TBR1: variants seen among roughly 807,000 people sequenced by gnomAD.
TBR1 encodes T-box brain protein 1.
Under a neutral mutation model 60.3 loss-of-function variants are expected in TBR1, and 7 were observed. The ratio of observed to expected loss-of-function variants is 0.12; its 90% CI spans 0.07 to 0.22. The LOEUF (loss-of-function observed/expected upper bound fraction) is 0.22, where lower values mean the gene tolerates loss of function less well. Ranked by LOEUF, TBR1 falls within the 10% of genes least tolerant of loss-of-function variation. The pLI is 1.00. For missense variants in TBR1, 616 were observed against 936.8 expected (o/e 0.66, Z 4.47); for synonymous variants, 417 against 409.9 (o/e 1.02, Z -0.21).
chr2:161,423,648 C>T lies in TBR1; in HGVS notation c.1470C>T (p.Asn490=). The T allele has an allele frequency of 6.5e-7, 1 of 1,542,604 alleles. No individual in the cohort carries two copies. The highest frequency in any genetic ancestry group is 8.7e-7 in the Non-Finnish European group (1 of 1,153,376). Residue 490 remains asparagine (N), a synonymous_variant, in exon 6 of 6, where the codon AAC becomes AAT. Transcript: ENST00000389554. ...AACGCTGGTTTGTGACGCCGGCCAA[C>T]AACCGGCTGGACTTCGCGGCCTCGG... The part of the protein sequence containing the change: ...SPQRWFVTPA[N]NRLDFAASAY...
rs2105283785 is a variant in TBR1 at position 161,425,855 on chromosome 2, C to T, written c.*1628C>T. On this transcript the variant is annotated 3_prime_UTR_variant, in exon 6 of 6. Transcript: ENST00000389554. Reference sequence around the variant, plus strand: ...TCTGTGTATAACAAGTAAAATAAACCTGGTAAAAACGCTAACTATGGTGTT... The same window carrying T: ...TCTGTGTATAACAAGTAAAATAAACTTGGTAAAAACGCTAACTATGGTGTT... 1 of 152,172 alleles carries T rather than the reference C, an allele frequency of 6.6e-6. No homozygotes were observed. Among genetic ancestry groups the T allele is most frequent in the African/African-American group, 2.4e-5 (1 of 41,516 alleles). The allele number at this position is 152,172 out of a possible 1,614,324, so 9.4% of individuals were successfully genotyped here.
intron 5 of TBR1, chr2:161,421,124 A>G (rs1015744141): frequency 6.6e-6 from 1 of 152,250 alleles, no homozygotes; most frequent in Non-Finnish European, 1.5e-5. Context: ...TCATAAATCT[A>G]AATCTGGATT....
chr2:161,418,955 G>A lies in TBR1; in HGVS notation c.1033G>A (p.Asp345Asn). Reference protein sequence around the residue: ...PRLHVVEVNEDGTEDTSQPGR... With the variant: ...PRLHVVEVNENGTEDTSQPGR... Reference sequence around the variant, plus strand: ...CCTGCATGTGGTGGAAGTGAACGAGGACGGCACGGAGGACACTAGCCAGCC... The same window carrying A: ...CCTGCATGTGGTGGAAGTGAACGAGAACGGCACGGAGGACACTAGCCAGCC... The change falls in exon 4 of 6, where the codon GAC becomes AAC. Residue 345 changes from aspartate (D) to asparagine (N), a missense_variant. Asp to Asn is a conservative substitution (Grantham distance 23). Transcript: ENST00000389554. 6.2e-7 allele frequency: 1 copy of A among 1,614,244 alleles called. No homozygotes were observed.
Position 161,416,884 on chromosome 2 carries a change from C to G in TBR1, c.474C>G (p.Asn158Lys). 6.2e-7 allele frequency: 1 copy of G among 1,614,030 alleles called. No homozygotes were observed. The highest frequency in any genetic ancestry group is 1.1e-5 in the South Asian group (1 of 91,050). The stretch of plus-strand genomic sequence containing the variant: ...CGGTCATCACCAACGGAGCCTACAA[C>G]AGCCTCCTGTCCAACTCCTCGCCGC... ...HHPVITNGAY[N>K]SLLSNSSPQG... The change falls in exon 1 of 6, where the codon AAC becomes AAG. Residue 158 changes from asparagine (N) to lysine (K), a missense_variant. Asn to Lys is a moderately conservative substitution (Grantham distance 94, BLOSUM62 0). Around this residue, in one of 8 missense-constraint regions of TBR1, gnomAD observed 211 missense variants for 268.7 expected, o/e 0.79. Transcript: ENST00000389554. This position sits in a 1 kb window ranked among gnomAD's most constrained non-coding sequence, Gnocchi z 6.1.
rs754753825 is a variant in TBR1 at position 161,424,023 on chromosome 2, C to T, written c.1845C>T (p.Ile615=). The change falls in exon 6 of 6, where the codon ATC becomes ATT. Residue 615 remains isoleucine (I), a synonymous_variant. Coordinates refer to ENST00000389554, the MANE Select transcript of TBR1 (RefSeq NM_006593.4). This position sits in a 1 kb window ranked among gnomAD's most constrained non-coding sequence, Gnocchi z 4.4. ...KPKDLSDSSW[I]ETPSSIKSID... ...AGGACCTGTCCGATTCCAGCTGGAT[C>T]GAGACGCCCTCCTCGATCAAGTCCA... The T allele has an allele frequency of 1.9e-6, 3 of 1,588,928 alleles. No individual in the cohort carries two copies. Among genetic ancestry groups the T allele is most frequent in the African/African-American group, 2.7e-5 (2 of 74,292 alleles).
At chr2:161,422,742 T>TG (rs1684253144) in intron 5 of TBR1, 1 of 152,244 alleles carries the variant, frequency 6.6e-6, no homozygotes, top group African/African-American at 2.4e-5. Flanking sequence ...CTAAGTACTT[T>TG]GGAGGCTTCC....
Position 161,416,646 on chromosome 2 carries a change from A to G in TBR1, c.236A>G (p.Gln79Arg), listed in dbSNP as rs977153850. 3 of 1,614,136 alleles carry G rather than the reference A, an allele frequency of 1.9e-6. No individual in the cohort carries two copies. Among genetic ancestry groups the G allele is most frequent in the Non-Finnish European group, 2.5e-6 (3 of 1,180,054 alleles). Residue 79 changes from glutamine (Q) to arginine (R), a missense_variant, in exon 1 of 6, where the codon CAG becomes CGG. Physicochemically the swap from Gln to Arg is conservative, Grantham distance 43. Transcript: ENST00000389554. This position sits in a 1 kb window ranked among gnomAD's most constrained non-coding sequence, Gnocchi z 6.1. ...TCCAAGGACTCACCAGGGGACGTCC[A>G]GAGAAGTAAACTCTCTCCTGTCTTG... is the stretch of plus-strand genomic sequence containing the variant. ...PDSKDSPGDVQRSKLSPVLDG... is the reference protein window; with the variant it reads ...PDSKDSPGDVRRSKLSPVLDG...
In TBR1 at chr2:161,423,605, C is replaced by T. The variant is rs1356178906; in HGVS notation, c.1427C>T (p.Pro476Leu). ...GLLSPQQAED[P>L]GAPSPQRWFV... is the part of the protein sequence containing the mutation. ...CTGTCGCCGCAGCAGGCCGAGGACCCGGGCGCGCCCTCGCCGCAACGCTGG... is the reference window on the plus strand; with the variant it reads ...CTGTCGCCGCAGCAGGCCGAGGACCTGGGCGCGCCCTCGCCGCAACGCTGG... Residue 476 changes from proline to leucine, a missense_variant, in exon 6 of 6, where the codon CCG (proline) becomes CTG (leucine). Physicochemically the swap from Pro to Leu is moderately conservative, Grantham distance 98. Coordinates refer to ENST00000389554, the MANE Select transcript of TBR1 (RefSeq NM_006593.4). 2.0e-6 allele frequency: 3 copies of T among 1,531,774 alleles called. No individual in the cohort carries two copies. The highest frequency in any genetic ancestry group is 1.2e-5 in the South Asian group (1 of 82,216). 94.9% of individuals were successfully genotyped at this position (1,531,774 alleles called of 1,614,324 possible). A position where few individuals can be genotyped will look rare whatever the true frequency, so the allele number is the denominator to read the frequency against.
intron 2 of TBR1, 33 bp from the exon 3 acceptor site, chr2:161,418,168 G>T: frequency 6.3e-7 from 1 of 1,597,434 alleles, no homozygotes; most frequent in Non-Finnish European, 8.5e-7. Context: ...GCAGTGCCAG[G>T]GGCATATGTA....
In TBR1 at chr2:161,417,873, G is replaced by A. The variant is rs368807687; in HGVS notation, c.847+43G>A. 4.4e-6 allele frequency: 7 copies of A among 1,602,548 alleles called. No homozygotes were observed. The African/African-American group carries it at 9.4e-5, about 22-fold the overall frequency. On this transcript the variant is annotated intron_variant, in intron 2 of 5. Transcript: ENST00000389554. This position sits in a 1 kb window ranked among gnomAD's most constrained non-coding sequence, Gnocchi z 5.3. ...ACACATTTTCTTGACACTTATTTAG[G>A]TGAGAATGATTAATTAAAGCCTTTG... is the stretch of plus-strand genomic sequence containing the variant.
At chr2:161,418,503 G>T in intron 3 of TBR1, 181 bp downstream of exon 3, 1 of 976,432 alleles carries the variant, frequency 1.0e-6, no homozygotes, top group East Asian at 2.8e-5. Context: ...GTTCTCATTG[G>T]CAACACCTCC....
chr2:161,424,267 C>G lies in TBR1; in HGVS notation c.*40C>G. ...CCCGGCCCCGCCGCGGCCCGGACCC[C>G]CAGCCAGCCCCTCACAGCTCTTCCC... is the stretch of plus-strand genomic sequence containing the variant. On this transcript the variant is annotated 3_prime_UTR_variant, in exon 6 of 6. Coordinates refer to ENST00000389554, the MANE Select transcript of TBR1 (RefSeq NM_006593.4). The surrounding 1 kb of genome is among the most constrained non-coding windows in gnomAD (Gnocchi z 4.4). 1 of 1,508,558 alleles carries G rather than the reference C, an allele frequency of 6.6e-7. No homozygotes were observed. The highest frequency in any genetic ancestry group is 8.9e-7 in the Non-Finnish European group (1 of 1,121,446). The allele number at this position is 1,508,558 out of a possible 1,614,324, so 93.4% of individuals were successfully genotyped here. A position where few individuals can be genotyped will look rare whatever the true frequency, so the allele number is the denominator to read the frequency against.
rs1026846553 is a variant in TBR1, at chr2:161,419,388, T to A, written c.1128+338T>A. ...CTACTTTAAAAAAAAATTCTCTCTT[T>A]CCTTTAGAAAACAAGCAGATTTCCC... On this transcript the variant is annotated intron_variant, in intron 4 of 5. Transcript: ENST00000389554. The A allele has an allele frequency of 3.7e-5, 7 of 187,918 alleles. No individual in the cohort carries two copies. The Admixed American group carries it at 3.8e-4, about 10-fold the overall frequency. 11.6% of individuals were successfully genotyped at this position (187,918 alleles called of 1,614,324 possible). A position where few individuals can be genotyped will look rare whatever the true frequency, so the allele number is the denominator to read the frequency against.
In TBR1 at chr2:161,423,888, G is replaced by T; in HGVS notation, c.1710G>T (p.Ala570=). The change falls in exon 6 of 6, where the codon GCG becomes GCT. Residue 570 remains alanine (A), a synonymous_variant. Coordinates refer to ENST00000389554, the MANE Select transcript of TBR1 (RefSeq NM_006593.4). ...SVLPCWPNSA[A]AAARMAGANP... ...TGCCCTGCTGGCCCAACAGCGCCGC[G>T]GCCGCCGCGCGCATGGCCGGCGCCA... 1.5e-6 allele frequency: 2 copies of T among 1,371,612 alleles called. No individual in the cohort carries two copies. The highest frequency in any genetic ancestry group is 3.7e-5 in the Admixed American group (1 of 26,820). 85.0% of individuals were successfully genotyped at this position (1,371,612 alleles called of 1,614,324 possible). A position where few individuals can be genotyped will look rare whatever the true frequency, so the allele number is the denominator to read the frequency against.
In TBR1 at chr2:161,424,110, C is replaced by A. The variant is rs201381014; in HGVS notation, c.1932C>A (p.Asp644Glu). 1.0e-4 allele frequency: 165 copies of A among 1,612,188 alleles called. No individual in the cohort carries two copies. The highest frequency in any genetic ancestry group is 1.2e-4 in the Non-Finnish European group (145 of 1,179,502). The stretch of plus-strand genomic sequence containing the variant: ...AGCGGAGGCGGATCTCGCCGGCCGA[C>A]ACGCCCGTGTCCGAGAGTTCGTCCC... ...QAKRRRISPADTPVSESSSPL... is the reference protein window; with the variant it reads ...QAKRRRISPAETPVSESSSPL... The change falls in exon 6 of 6, where the codon GAC becomes GAA. Residue 644 changes from aspartate to glutamate, a missense_variant. This residue lies in a region of TBR1 where 210 missense variants were observed against 297.4 expected (regional missense o/e 0.71). Transcript: ENST00000389554. This position sits in a 1 kb window ranked among gnomAD's most constrained non-coding sequence, Gnocchi z 4.4.
At chr2:161,420,081 C>A in intron 4 of TBR1, 115 bp from the exon 5 acceptor site, 1 of 698,028 alleles carries the variant, frequency 1.4e-6, no homozygotes, top group Non-Finnish European at 2.3e-6. Flanking sequence ...GAAAACCTTG[C>A]TATTTAATAA....
chr2:161,418,166 A>AG, intron 2 of TBR1, 35 bp from the exon 3 acceptor site: 1 of 1,595,314 alleles, frequency 6.3e-7, no homozygotes, highest in Non-Finnish European at 8.5e-7. Context: ...GGGCAGTGCC[A>AG]GGGGCATATG....
At position 161,417,585 on chromosome 2, in the gene TBR1, T is replaced by A; in HGVS notation, c.693-91T>A. The A allele has an allele frequency of 6.7e-7, 1 of 1,489,686 alleles. No homozygotes were observed. Among genetic ancestry groups the A allele is most frequent in the South Asian group, 1.4e-5 (1 of 73,778 alleles). The allele number at this position is 1,489,686 out of a possible 1,614,324, so 92.3% of individuals were successfully genotyped here. A position where few individuals can be genotyped will look rare whatever the true frequency, so the allele number is the denominator to read the frequency against. On this transcript the variant is annotated intron_variant, in intron 1 of 5. Transcript: ENST00000389554. This position sits in a 1 kb window ranked among gnomAD's most constrained non-coding sequence, Gnocchi z 5.3. ...TTTGCTGCAAGTACAAGTTTTGCTT[T>A]GCTAACTGGCGCCCCGCTTCTTGCA...
At chr2:161,422,442 G>A (rs963054844) in intron 5 of TBR1, 3 of 152,188 alleles carry the variant, frequency 2.0e-5, no homozygotes, top group African/African-American at 4.8e-5. Flanking sequence ...TCGGTAAAGT[G>A]GGATAATAAA....
Sources: allele counts gnomAD v4.1 joint callset, GRCh38; gene constraint gnomAD v4.1.1; regional missense constraint gnomAD v4.1.1; non-coding constraint Gnocchi (gnomAD v3.1); transcripts MANE v1.5; gene names NCBI Gene and HGNC (gene_info 2026-07-23, HGNC 2026-07-21).